GLB1L3: variants seen among roughly 807,000 people sequenced by gnomAD.
The protein encoded by GLB1L3 is galactosidase beta 1 like 3.
In GLB1L3, 89 loss-of-function variants were observed where a neutral mutation model predicts 89.5. That is an observed-to-expected ratio of 0.99 (90% CI 0.84 to 1.19). GLB1L3 has a LOEUF of 1.19. Among genes scored for constraint, GLB1L3 ranks in the 50% most tolerant of loss-of-function variants. GLB1L3 has a pLI of 0.00. For synonymous variants in GLB1L3, 314 were observed against 312.3 expected (o/e 1.01, Z -0.06); for missense variants, 812 against 813.3 (o/e 1.00, Z 0.02).
At position 134,282,107 on chromosome 11, in the gene GLB1L3, G is replaced by C. The variant is rs1253603300; in HGVS notation, c.514G>C (p.Gly172Arg). The C allele has an allele frequency of 1.9e-6, 3 of 1,566,518 alleles. No homozygotes were observed. The highest frequency in any genetic ancestry group is 2.6e-6 in the Non-Finnish European group (3 of 1,153,002). ...GRYICSEMDL[G>R]GLPSWLLQDP... Reference sequence around the variant, plus strand: ...CTACATCTGCAGTGAGATGGACCTCGGGGGCTTGCCCAGGTAAGCGGGGCT... The same window carrying C: ...CTACATCTGCAGTGAGATGGACCTCCGGGGCTTGCCCAGGTAAGCGGGGCT... Residue 172 changes from glycine to arginine, a missense_variant, in exon 5 of 20, where the codon GGG becomes CGG. Physicochemically the swap from Gly to Arg is moderately radical, Grantham distance 125. Transcript: ENST00000431683.
intron 9 of GLB1L3, among the ~76,000 whole-genome samples, chr11:134,296,867 AC>A (rs764354568): frequency 0.21 from 24,941 of 119,838 alleles, 2,251 homozygotes; most frequent in South Asian, 0.34. Flanking sequence ...AATAATAAAA[AC>A]AAACAAACAA....
intron 7 of GLB1L3, among the ~76,000 whole-genome samples, chr11:134,290,021 C>A (rs1941258290): frequency 6.6e-6 from 1 of 152,162 alleles, no homozygotes; most frequent in African/African-American, 2.4e-5. Flanking sequence ...CCCAGCTGGG[C>A]AAAGTGGGGA....
upstream of GLB1L3, chr11:134,275,875 C>G (rs1940351020): frequency 6.6e-6 from 1 of 152,354 alleles, no homozygotes. Context: ...GTGCCCTCCT[C>G]CTGGGCAGCG....
chr11:134,308,223 TCACCACCAC>T (rs1942337238), intron 10 of GLB1L3, among the ~76,000 whole-genome samples: 2 of 27,554 alleles, frequency 7.3e-5, no homozygotes, highest in African/African-American at 2.0e-4. Flanking sequence ...ACCATCACCA[TCACCACCAC>T]CACCATCACC....
At chr11:134,279,364 C>CTTTTTTTTT (rs10577769) in intron 3 of GLB1L3, among the ~76,000 whole-genome samples, 3 of 108,344 alleles carry the variant, frequency 2.8e-5, no homozygotes, top group Non-Finnish European at 3.7e-5. Context: ...TTTTCTTTTT[C>CTTTTTTTTT]TTTTTTTTTT....
At chr11:134,324,422 A>T (rs968705098), downstream of GLB1L3, among the ~76,000 whole-genome samples, 4 of 152,212 alleles carry the variant, frequency 2.6e-5, no homozygotes, top group Admixed American at 6.5e-5. Context: ...ACTACTAAAA[A>T]TACCAGCATA....
intron 6 of GLB1L3, among the ~76,000 whole-genome samples, chr11:134,287,726 C>T (rs1379542392): frequency 6.6e-6 from 1 of 152,226 alleles, no homozygotes; most frequent in Non-Finnish European, 1.5e-5. Flanking sequence ...TGCGTCCACT[C>T]GGGGGGCAGG....
intron 16 of GLB1L3, among the ~76,000 whole-genome samples, 168 bp downstream of exon 16, chr11:134,313,642 C>G (rs1437933948): frequency 7.2e-5 from 11 of 152,220 alleles, no homozygotes; most frequent in Non-Finnish European, 1.3e-4. Context: ...CTTGCCTTCT[C>G]TGATCTCCAG....
downstream of GLB1L3, among the ~76,000 whole-genome samples, chr11:134,321,908 TAAAGTA>T (rs1039973769): frequency 1.3e-4 from 17 of 132,190 alleles, no homozygotes; most frequent in Non-Finnish European, 2.5e-4. Flanking sequence ...CCCTAGAACT[TAAAGTA>T]TAATAAAAAA....
chr11:134,287,912 A>AG (rs1565394600), intron 6 of GLB1L3, among the ~76,000 whole-genome samples: 2 of 152,284 alleles, frequency 1.3e-5, no homozygotes, highest in South Asian at 2.1e-4. Flanking sequence ...TTTGTCCAAG[A>AG]GGGAGGAACG....
chr11:134,312,280 A>G (rs1942769251), intron 13 of GLB1L3, 69 bp from the exon 14 acceptor site: 4 of 1,555,088 alleles, frequency 2.6e-6, no homozygotes, highest in African/African-American at 1.4e-5. Context: ...ACCAAATGAC[A>G]GGGTCTTAGG....
In GLB1L3 at chr11:134,312,462, C is replaced by T. The variant is rs761309659; in HGVS notation, c.1401C>T (p.Leu467=). ...YEKSICSGGR[L]RAHAHDVAQV... ...AGTCCATCTGCTCCGGAGGCCGCCT[C>T]CGTGCCCACGCTCATGACGTGGCAC... The change falls in exon 14 of 20, where the codon CTC becomes CTT. Residue 467 remains leucine (L), a synonymous_variant. Coordinates refer to ENST00000431683, the MANE Select transcript of GLB1L3 (RefSeq NM_001080407.3). The T allele has an allele frequency of 6.2e-7, 1 of 1,613,082 alleles. No homozygotes were observed. Among genetic ancestry groups the T allele is most frequent in the African/African-American group, 1.3e-5 (1 of 75,040 alleles).
At position 134,292,008 on chromosome 11, in the gene GLB1L3, A is replaced by G. The variant is rs568234633; in HGVS notation, c.730-124A>G. On this transcript the variant is annotated intron_variant, in intron 7 of 19. Coordinates refer to ENST00000431683, the MANE Select transcript of GLB1L3 (RefSeq NM_001080407.3). ...AATTTAAAATTAAAAAAGTAAAAACATATTTCTGACTGTGATTGCAGAATG... is the reference window on the plus strand; with the variant it reads ...AATTTAAAATTAAAAAAGTAAAAACGTATTTCTGACTGTGATTGCAGAATG... The G allele has an allele frequency of 9.8e-5, 66 of 674,598 alleles. 1 individual carries two copies. The East Asian group carries it at 1.3e-3, about 13-fold the overall frequency. 41.8% of individuals were successfully genotyped at this position (674,598 alleles called of 1,614,324 possible). A position where few individuals can be genotyped will look rare whatever the true frequency, so the allele number is the denominator to read the frequency against.
At chr11:134,300,477 C>T (rs569571375) in intron 9 of GLB1L3, among the ~76,000 whole-genome samples, 38 of 152,092 alleles carry the variant, frequency 2.5e-4, no homozygotes, top group Middle Eastern at 6.8e-3. Flanking sequence ...GGACTACAGG[C>T]GCCCTCCACC....
At chr11:134,315,218 T>C (rs1267806131) in intron 18 of GLB1L3, among the ~76,000 whole-genome samples, 1 of 151,898 alleles carries the variant, frequency 6.6e-6, no homozygotes, top group East Asian at 1.9e-4. Flanking sequence ...TTATAATAAT[T>C]TATTTAACCA....
intron 3 of GLB1L3, among the ~76,000 whole-genome samples, chr11:134,278,391 C>A (rs998793975): frequency 2.0e-5 from 3 of 151,968 alleles, no homozygotes; most frequent in African/African-American, 7.3e-5. Flanking sequence ...CTCAGGTGAT[C>A]CTCCTGCCTC....
Position 134,276,773 on chromosome 11 carries a change from C to T in GLB1L3, c.23+10C>T. The T allele has an allele frequency of 7.0e-7, 1 of 1,437,538 alleles. No individual in the cohort carries two copies. The highest frequency in any genetic ancestry group is 9.1e-7 in the Non-Finnish European group (1 of 1,095,594). The allele number at this position is 1,437,538 out of a possible 1,614,324, so 89.0% of individuals were successfully genotyped here. A position where few individuals can be genotyped will look rare whatever the true frequency, so the allele number is the denominator to read the frequency against. The stretch of plus-strand genomic sequence containing the variant: ...CCCCGCCCCTCCTCAGGTGACGGAT[C>T]GCCGCTGCCGTCCCGGGCTGCCCAC... On this transcript the variant is annotated intron_variant, in intron 1 of 19. Transcript: ENST00000431683.
intron 6 of GLB1L3, among the ~76,000 whole-genome samples, chr11:134,287,614 AACTC>A (rs1941091681): frequency 6.6e-6 from 1 of 152,268 alleles, no homozygotes; most frequent in African/African-American, 2.4e-5. Flanking sequence ...AATTGTTTTC[AACTC>A]ACTCGCTGAG....
At chr11:134,315,512 G>A (rs1942940678) in intron 18 of GLB1L3, among the ~76,000 whole-genome samples, 1 of 152,108 alleles carries the variant, frequency 6.6e-6, no homozygotes, top group African/African-American at 2.4e-5. Context: ...GTACTATTCA[G>A]ATTTTGTTTC....
Sources: allele counts gnomAD v4.1 joint callset (sites outside exome capture counted in the v4.1 genomes callset), GRCh38; gene constraint gnomAD v4.1.1; transcripts MANE v1.5; gene names NCBI Gene and HGNC (gene_info 2026-07-23, HGNC 2026-07-21).